The following GRM7 variants were observed in gnomAD, a reference collection of about 807,000 sequenced individuals.
GRM7 encodes the protein metabotropic glutamate receptor 7.
A neutral mutation model predicts 84.5 loss-of-function variants in GRM7; 35 were observed. The observed-to-expected ratio is 0.41, with a 90% CI of 0.32 to 0.55. GRM7 has a LOEUF of 0.55. Ranked by LOEUF, GRM7 falls within the 20% of genes least tolerant of loss-of-function variation. The pLI is 0.19. For missense variants in GRM7, 1,003 were observed against 1,194.6 expected (o/e 0.84, Z 2.36); for synonymous variants, 487 against 455.1 (o/e 1.07, Z -0.89).
At chr3:7,086,928 T>TC (rs1429495229) in intron 1 of GRM7, among the ~76,000 whole-genome samples, 2 of 152,158 alleles carry the variant, frequency 1.3e-5, no homozygotes, top group African/African-American at 4.8e-5. Flanking sequence ...TGTGTCTAAT[T>TC]CCAATTTCAT....
At chr3:7,597,192 G>A (rs576701694) in intron 8 of GRM7, among the ~76,000 whole-genome samples, 1 of 152,094 alleles carries the variant, frequency 6.6e-6, no homozygotes, top group Non-Finnish European at 1.5e-5. Flanking sequence ...CGAGGGGGAC[G>A]TAGGCATCTC....
chr3:7,125,233 C>T lies in GRM7; in HGVS notation c.520-21219C>T, dbSNP rs556030254. Among the ~76,000 whole-genome samples the T allele has an allele frequency of 2.0e-5, 3 of 152,304 alleles. No homozygotes were observed. The South Asian group carries it at 6.2e-4, about 32-fold the overall frequency. On this transcript the variant is annotated intron_variant, in intron 1 of 9. Transcript: ENST00000357716. ...GGATTACAGGCGTGAGCCACCATGC[C>T]CGGCCTAATAGTTTTTTATTAGCTG...
chr3:7,384,037 C>A (rs1031748524), intron 4 of GRM7, among the ~76,000 whole-genome samples: 1 of 151,800 alleles, frequency 6.6e-6, no homozygotes, highest in African/African-American at 2.4e-5. Flanking sequence ...GTATTTATTT[C>A]TTTATTTAGG....
In GRM7 at chr3:7,132,184, A is replaced by G. The variant is rs932485044; in HGVS notation, c.520-14268A>G. Among the ~76,000 whole-genome samples, 3 of 152,198 alleles carry G rather than the reference A, an allele frequency of 2.0e-5. No homozygotes were observed. In the East Asian group the frequency reaches 5.8e-4, roughly 29 times the overall value. On this transcript the variant is annotated intron_variant, in intron 1 of 9. Coordinates refer to ENST00000357716, the MANE Select transcript of GRM7 (RefSeq NM_000844.4). ...TTTTATGTAGACTGGTGCCCCCCCAACAATATGGTTACTGAGAAACAATAA... is the reference window on the plus strand; with the variant it reads ...TTTTATGTAGACTGGTGCCCCCCCAGCAATATGGTTACTGAGAAACAATAA...
intron 7 of GRM7, among the ~76,000 whole-genome samples, chr3:7,564,071 G>C (rs1694151950): frequency 1.3e-5 from 2 of 152,130 alleles, no homozygotes; most frequent in African/African-American, 4.8e-5. Flanking sequence ...CAATTAAGTG[G>C]ACCCAACACG....
intron 3 of GRM7, among the ~76,000 whole-genome samples, chr3:7,300,162 A>G (rs1420601672): frequency 6.6e-6 from 1 of 152,174 alleles, no homozygotes; most frequent in Non-Finnish European, 1.5e-5. Flanking sequence ...TGTCTATCTT[A>G]TAGTTCAAAA....
chr3:7,168,482 A>C (rs1425129845), intron 2 of GRM7, among the ~76,000 whole-genome samples: 2 of 152,184 alleles, frequency 1.3e-5, no homozygotes, highest in Non-Finnish European at 2.9e-5. Context: ...CCACCATGCA[A>C]GGTACACCAA....
At chr3:7,685,493 G>A (rs1575630824) in intron 9 of GRM7, among the ~76,000 whole-genome samples, 1 of 152,104 alleles carries the variant, frequency 6.6e-6, no homozygotes, top group African/African-American at 2.4e-5. Context: ...CTTTTTTTTG[G>A]ATGTGGAGAT....
chr3:7,128,019 A>T (rs972076035), intron 1 of GRM7, among the ~76,000 whole-genome samples: 2 of 151,984 alleles, frequency 1.3e-5, no homozygotes, highest in Non-Finnish European at 2.9e-5. Flanking sequence ...TTTTAGAGAG[A>T]TAAAGGTAAA....
At chr3:7,091,140 A>C (rs978539375) in intron 1 of GRM7, among the ~76,000 whole-genome samples, 1 of 152,116 alleles carries the variant, frequency 6.6e-6, no homozygotes, top group South Asian at 2.1e-4. Flanking sequence ...TTAGCTCTGC[A>C]GAAGAATAGA....
chr3:7,284,306 GTGTGTGTA>G (rs748253604), intron 2 of GRM7, among the ~76,000 whole-genome samples: 3 of 127,702 alleles, frequency 2.3e-5, no homozygotes, highest in African/African-American at 5.2e-5. Context: ...GTGTGTGTGT[GTGTGTGTA>G]TATACATGAG....
At chr3:7,162,270 A>G (rs1378027361) in intron 2 of GRM7, among the ~76,000 whole-genome samples, 2 of 152,162 alleles carry the variant, frequency 1.3e-5, no homozygotes, top group African/African-American at 4.8e-5. Flanking sequence ...CGATTACTTC[A>G]GTGGAGAAGA....
At chr3:7,274,323 A>G (rs1202719017) in intron 2 of GRM7, among the ~76,000 whole-genome samples, 1 of 151,976 alleles carries the variant, frequency 6.6e-6, no homozygotes, top group East Asian at 1.9e-4. Flanking sequence ...TTTTTATTTT[A>G]CCTTCACTTT....
intron 2 of GRM7, among the ~76,000 whole-genome samples, chr3:7,236,759 TCA>T (rs1452529832): frequency 1.3e-5 from 2 of 152,170 alleles, no homozygotes; most frequent in Non-Finnish European, 2.9e-5. Context: ...CACTCAGCTC[TCA>T]GTTTCTGTGC....
At chr3:7,282,178 A>G (rs1367710249) in intron 2 of GRM7, among the ~76,000 whole-genome samples, 2 of 152,196 alleles carry the variant, frequency 1.3e-5, no homozygotes, top group Non-Finnish European at 2.9e-5. Flanking sequence ...ATGTTCTCCA[A>G]ACTGTCAAGA....
intron 7 of GRM7, among the ~76,000 whole-genome samples, chr3:7,478,591 T>C (rs539699385): frequency 6.6e-6 from 1 of 152,152 alleles, no homozygotes; most frequent in Non-Finnish European, 1.5e-5. Flanking sequence ...GGTCAACAGC[T>C]CTTGATGAAA....
intron 7 of GRM7, among the ~76,000 whole-genome samples, chr3:7,495,472 G>A (rs1256224767): frequency 1.3e-5 from 2 of 152,120 alleles, no homozygotes; most frequent in Non-Finnish European, 2.9e-5. Flanking sequence ...CCCTGGATTA[G>A]GGAGAAAAGG....
At chr3:7,557,425 T>C (rs1462786606) in intron 7 of GRM7, among the ~76,000 whole-genome samples, 1 of 152,194 alleles carries the variant, frequency 6.6e-6, no homozygotes, top group African/African-American at 2.4e-5. Flanking sequence ...TTGAAATTAA[T>C]GTTAATTTCA....
intron 1 of GRM7, among the ~76,000 whole-genome samples, chr3:6,899,323 G>T (rs1696305375): frequency 6.6e-6 from 1 of 152,138 alleles, no homozygotes; most frequent in Non-Finnish European, 1.5e-5. Context: ...TAATGAATCT[G>T]TCAGCTTTTT....
Sources: gnomAD v4.1 joint callset for allele counts (sites outside exome capture counted in the v4.1 genomes callset) on GRCh38, gnomAD v4.1.1 for gene constraint, MANE v1.5 for transcripts, NCBI Gene and HGNC (gene_info 2026-07-23, HGNC 2026-07-21) for gene names.